Variants in HNRNPLL observed in about 807,000 individuals in gnomAD.
HNRNPLL encodes heterogeneous nuclear ribonucleoprotein L like.
HNRNPLL carries 25 observed loss-of-function variants against 67.1 expected under a neutral mutation model. That is an observed-to-expected ratio of 0.37 (90% CI 0.27 to 0.52). The LOEUF (loss-of-function observed/expected upper bound fraction) is 0.52. HNRNPLL is among the 20% of genes least tolerant of loss of function. The probability of loss-of-function intolerance (pLI) is 0.90; values close to 1 mark genes in which losing one functional copy is unlikely to be tolerated. For missense variants in HNRNPLL, 542 were observed against 673.9 expected (o/e 0.80, Z 2.17); for synonymous variants, 267 against 241.7 (o/e 1.10, Z -0.97).
chr2:38,578,052 T>C (rs770457958), intron 6 of HNRNPLL: 3 of 467,148 alleles, frequency 6.4e-6, no homozygotes, highest in South Asian at 1.6e-5. Context: ...TTTATAAGTA[T>C]ATGCACATAT....
chr2:38,598,880 G>A (rs1236842917), intron 1 of HNRNPLL, among the ~76,000 whole-genome samples: 1 of 152,200 alleles, frequency 6.6e-6, no homozygotes, highest in Non-Finnish European at 1.5e-5. Context: ...CTTCGCTGGA[G>A]GAGACACAAG....
intron 1 of HNRNPLL, among the ~76,000 whole-genome samples, chr2:38,596,159 T>C (rs1415812932): frequency 6.6e-6 from 1 of 152,184 alleles, no homozygotes; most frequent in African/African-American, 2.4e-5. Flanking sequence ...CATCCTCTCC[T>C]GAGCTTCGTT....
In HNRNPLL at chr2:38,568,252, G is replaced by A. The variant is rs748923432; in HGVS notation, c.1520C>T (p.Thr507Ile). 1.2e-6 allele frequency: 2 copies of A among 1,613,612 alleles called. No homozygotes were observed. Among genetic ancestry groups the A allele is most frequent in the South Asian group, 2.2e-5 (2 of 91,068 alleles). ...LSGLLEWECK[T>I]DAVEALTALN... ...TGCCGTAAGGGCTTCTACTGCATCA[G>A]TTTTGCACTCCCATTCTAATAGCCC... The change falls in exon 12 of 13, where the codon ACT (threonine) becomes ATT (isoleucine). Residue 507 changes from threonine (T) to isoleucine (I), a missense_variant. Thr to Ile is a moderately conservative substitution (Grantham distance 89, BLOSUM62 -1). Coordinates refer to ENST00000449105, the MANE Select transcript of HNRNPLL (RefSeq NM_138394.4).
intron 6 of HNRNPLL, among the ~76,000 whole-genome samples, chr2:38,580,404 T>C (rs1347031554): frequency 6.6e-6 from 1 of 152,188 alleles, no homozygotes; most frequent in Middle Eastern, 3.2e-3. Context: ...TTCCTGGGAA[T>C]TGAGAGTTAA....
chr2:38,563,838 C>G lies in HNRNPLL; in HGVS notation c.*344G>C, dbSNP rs1021923979. Reference sequence around the variant, plus strand: ...ATGCAATACTTTCACCTGCATTAATCTCTTACACAATGAAAAAATACTTGC... The same window carrying G: ...ATGCAATACTTTCACCTGCATTAATGTCTTACACAATGAAAAAATACTTGC... On this transcript the variant is annotated 3_prime_UTR_variant, in exon 13 of 13. Transcript: ENST00000449105. 1.6e-5 allele frequency: 3 copies of G among 188,068 alleles called. No individual in the cohort carries two copies. Among genetic ancestry groups the G allele is most frequent in the Admixed American group, 6.1e-5 (1 of 16,380 alleles). 11.6% of individuals were successfully genotyped at this position (188,068 alleles called of 1,614,324 possible).
intron 2 of HNRNPLL, among the ~76,000 whole-genome samples, chr2:38,589,959 CA>C (rs1003630097): frequency 6.6e-6 from 1 of 152,164 alleles, no homozygotes; most frequent in Non-Finnish European, 1.5e-5. Flanking sequence ...CTTATAGAGA[CA>C]GGGGTAGTCT....
At chr2:38,582,191 G>T in intron 4 of HNRNPLL, 23 bp from the exon 5 acceptor site, 1 of 1,535,756 alleles carries the variant, frequency 6.5e-7, no homozygotes, top group Non-Finnish European at 9.0e-7. Context: ...AAGGAAATTC[G>T]GTTTAAGGTA....
chr2:38,563,974 T>C lies in HNRNPLL; in HGVS notation c.*208A>G, dbSNP rs1165719911. ...ATCTACAATGAAGCTGTAGATAGTC[T>C]ACATTATGATATTCTATCTTAAAAT... On this transcript the variant is annotated 3_prime_UTR_variant, in exon 13 of 13. Coordinates refer to ENST00000449105, the MANE Select transcript of HNRNPLL (RefSeq NM_138394.4). 2.0e-6 allele frequency: 1 copy of C among 510,442 alleles called. No individual in the cohort carries two copies. The highest frequency in any genetic ancestry group is 3.5e-6 in the Non-Finnish European group (1 of 287,622). 31.6% of individuals were successfully genotyped at this position (510,442 alleles called of 1,614,324 possible).
At chr2:38,579,265 C>G (rs1004924841) in intron 6 of HNRNPLL, among the ~76,000 whole-genome samples, 9 of 152,082 alleles carry the variant, frequency 5.9e-5, no homozygotes, top group Admixed American at 4.6e-4. Context: ...GATTATCTTC[C>G]AAGCTATCTT....
At chr2:38,592,821 T>G (rs1386274907) in intron 1 of HNRNPLL, among the ~76,000 whole-genome samples, 1 of 152,218 alleles carries the variant, frequency 6.6e-6, no homozygotes, top group Non-Finnish European at 1.5e-5. Context: ...AAGAAATTTT[T>G]TAAAGTTTTT....
intron 2 of HNRNPLL, among the ~76,000 whole-genome samples, chr2:38,587,933 T>C (rs1186160408): frequency 6.6e-6 from 1 of 152,078 alleles, no homozygotes; most frequent in South Asian, 2.1e-4. Context: ...TGTTTGACAG[T>C]GTGTGACACC....
intron 8 of HNRNPLL, among the ~76,000 whole-genome samples, chr2:38,570,135 A>G (rs1666013470): frequency 1.3e-5 from 2 of 152,238 alleles, no homozygotes; most frequent in Non-Finnish European, 1.5e-5. Flanking sequence ...ACTGAAGAAC[A>G]GCACAGGCTC....
intron 12 of HNRNPLL, among the ~76,000 whole-genome samples, chr2:38,566,412 C>T (rs1665863696): frequency 6.8e-6 from 1 of 148,066 alleles, no homozygotes; most frequent in Non-Finnish European, 1.5e-5. Context: ...GCCATTGTTA[C>T]TATTATGGAG....
intron 7 of HNRNPLL, among the ~76,000 whole-genome samples, chr2:38,574,549 CTAAG>C (rs141508113): frequency 0.012 from 1,764 of 151,938 alleles, 33 homozygotes; most frequent in African/African-American, 0.04. Context: ...CATCTATCTA[CTAAG>C]TGAGTTACTA....
rs562738414 is a variant in HNRNPLL, at chr2:38,588,929, T to A, written c.308+2601A>T. Among the ~76,000 whole-genome samples the A allele has an allele frequency of 5.3e-5, 8 of 152,236 alleles. No individual in the cohort carries two copies. In the South Asian group the frequency reaches 1.5e-3, roughly 28 times the overall value. On this transcript the variant is annotated intron_variant, in intron 2 of 12. Coordinates refer to ENST00000449105, the MANE Select transcript of HNRNPLL (RefSeq NM_138394.4). ...AAAGAAACAAAAAAGCTAAGGGACA[T>A]GGTAGGATCAATGCTTTTAACTCCA...
At chr2:38,602,087 G>C (rs1401088201) in intron 1 of HNRNPLL, 2 of 279,098 alleles carry the variant, frequency 7.2e-6, no homozygotes, top group African/African-American at 4.6e-5. Flanking sequence ...CCCGACGCTG[G>C]CCCCGAGCCC....
chr2:38,579,473 C>G (rs540148918), intron 6 of HNRNPLL, among the ~76,000 whole-genome samples: 1 of 151,932 alleles, frequency 6.6e-6, no homozygotes, highest in East Asian at 1.9e-4. Context: ...GAAGTATTCA[C>G]TGCGTAACAG....
At chr2:38,588,755 T>TA (rs1666839084) in intron 2 of HNRNPLL, among the ~76,000 whole-genome samples, 1 of 152,100 alleles carries the variant, frequency 6.6e-6, no homozygotes, top group Non-Finnish European at 1.5e-5. Flanking sequence ...AACGCACTCA[T>TA]ATGAAACCAG....
At chr2:38,590,645 C>G (rs1298745493) in intron 2 of HNRNPLL, among the ~76,000 whole-genome samples, 1 of 152,082 alleles carries the variant, frequency 6.6e-6, no homozygotes, top group Non-Finnish European at 1.5e-5. Flanking sequence ...TATACAGCAG[C>G]TGTGGGAAGA....
Sources: gnomAD v4.1 joint callset for allele counts (sites outside exome capture counted in the v4.1 genomes callset) on GRCh38, gnomAD v4.1.1 for gene constraint, MANE v1.5 for transcripts, NCBI Gene and HGNC (gene_info 2026-07-23, HGNC 2026-07-21) for gene names.